The following NFIA variants were observed in gnomAD, a reference collection of about 807,000 sequenced individuals.
NFIA encodes the protein nuclear factor 1 A-type.
In NFIA, 8 loss-of-function variants were observed where a neutral mutation model predicts 62.8. The ratio of observed to expected loss-of-function variants is 0.13; its 90% CI spans 0.07 to 0.23. The LOEUF (loss-of-function observed/expected upper bound fraction) is 0.23, where lower values mean the gene tolerates loss of function less well. Among genes scored for constraint, NFIA ranks in the 10% least tolerant of loss-of-function variants. NFIA has a pLI of 1.00. For synonymous variants in NFIA, 235 were observed against 238.1 expected (o/e 0.99, Z 0.12); for missense variants, 410 against 642.1 (o/e 0.64, Z 3.91).
intron 3 of NFIA, among the ~76,000 whole-genome samples, chr1:61,294,745 A>C (rs1659095179): frequency 6.6e-6 from 1 of 152,182 alleles, no homozygotes. Flanking sequence ...TGCAGAACTA[A>C]ATGCATTTCT....
chr1:61,343,803 AT>A (rs1662060119), intron 4 of NFIA, among the ~76,000 whole-genome samples: 1 of 152,172 alleles, frequency 6.6e-6, no homozygotes. Context: ...TTTATGATTG[AT>A]TTCCATTCAA....
chr1:61,441,073 A>G (rs1020130525), intron 10 of NFIA, among the ~76,000 whole-genome samples: 1 of 152,126 alleles, frequency 6.6e-6, no homozygotes, highest in African/African-American at 2.4e-5. Context: ...TCAGAGACAG[A>G]GCAGGACTGA....
At chr1:61,334,915 G>A (rs911865838) in intron 4 of NFIA, among the ~76,000 whole-genome samples, 1 of 151,980 alleles carries the variant, frequency 6.6e-6, no homozygotes, top group Non-Finnish European at 1.5e-5. Context: ...AAGCTTATCA[G>A]TTCCAAGTTT....
intron 2 of NFIA, among the ~76,000 whole-genome samples, chr1:61,173,759 G>A (rs970623857): frequency 5.9e-5 from 9 of 152,098 alleles, no homozygotes; most frequent in Non-Finnish European, 1.0e-4. Flanking sequence ...GAGAATGAGG[G>A]TACATGCCAC....
chr1:61,233,670 A>T (rs1654812040), intron 2 of NFIA, among the ~76,000 whole-genome samples: 1 of 152,306 alleles, frequency 6.6e-6, no homozygotes, highest in African/African-American at 2.4e-5. Flanking sequence ...GAGTTCCTTT[A>T]TCTGTAAAAT....
chr1:61,451,953 G>A (rs901612546), intron 10 of NFIA, among the ~76,000 whole-genome samples: 4 of 152,122 alleles, frequency 2.6e-5, no homozygotes, highest in Non-Finnish European at 5.9e-5. Context: ...CAACCCCAAC[G>A]ATCGAATAAG....
At chr1:61,278,353 A>G (rs1484179185) in intron 3 of NFIA, among the ~76,000 whole-genome samples, 1 of 152,230 alleles carries the variant, frequency 6.6e-6, no homozygotes, top group Non-Finnish European at 1.5e-5. Flanking sequence ...TGCCTATCAT[A>G]TAACAAACAT....
intron 10 of NFIA, among the ~76,000 whole-genome samples, chr1:61,427,890 C>A (rs780305411): frequency 6.6e-6 from 1 of 152,214 alleles, no homozygotes; most frequent in East Asian, 1.9e-4. Context: ...TTCTCCCATA[C>A]CTTCAAATAT....
At chr1:61,179,858 C>T (rs1650633548) in intron 2 of NFIA, among the ~76,000 whole-genome samples, 1 of 152,108 alleles carries the variant, frequency 6.6e-6, no homozygotes, top group African/African-American at 2.4e-5. Flanking sequence ...ATTTACAACC[C>T]CATATATCAA....
rs1668334942 is a variant in NFIA at position 61,456,910 on chromosome 1, A to T, written c.*1590A>T. ...ACAGCGAAGCACCCCTTTGCTTCCC[A>T]TGCGACTTCAAGAAGGTTTCCTATA... On this transcript the variant is annotated 3_prime_UTR_variant, in exon 11 of 11. Coordinates refer to ENST00000403491, the MANE Select transcript of NFIA (RefSeq NM_001134673.4). 6.6e-6 allele frequency: 1 copy of T among 152,002 alleles called. No homozygotes were observed. Among genetic ancestry groups the T allele is most frequent in the African/African-American group, 2.4e-5 (1 of 41,440 alleles). 9.4% of individuals were successfully genotyped at this position (152,002 alleles called of 1,614,324 possible).
intron 2 of NFIA, among the ~76,000 whole-genome samples, chr1:61,218,944 C>T (rs963488532): frequency 6.6e-6 from 1 of 152,128 alleles, no homozygotes; most frequent in Non-Finnish European, 1.5e-5. Flanking sequence ...AGAAATTGAT[C>T]AACTCAGCCA....
At chr1:61,108,781 T>A (rs1037233407) in intron 2 of NFIA, among the ~76,000 whole-genome samples, 2 of 151,820 alleles carry the variant, frequency 1.3e-5, no homozygotes, top group Non-Finnish European at 3.0e-5. Flanking sequence ...ATTTTCCTCT[T>A]ATTTTTAAAA....
rs563253853 is a variant in NFIA at position 61,372,142 on chromosome 1, G to A, written c.947-11095G>A. 3.3e-5 allele frequency among the ~76,000 whole-genome samples: 5 copies of A among 152,058 alleles called. No individual in the cohort carries two copies. The East Asian group carries it at 5.8e-4, about 18-fold the overall frequency. The stretch of plus-strand genomic sequence containing the variant: ...AGTGAAAACCAAACTTTAGGATTTG[G>A]ACAAATAAGATGAGGAGAAAAAAGG... On this transcript the variant is annotated intron_variant, in intron 6 of 10. Coordinates refer to ENST00000403491, the MANE Select transcript of NFIA (RefSeq NM_001134673.4).
intron 3 of NFIA, among the ~76,000 whole-genome samples, chr1:61,285,972 G>T (rs1015484852): frequency 6.6e-6 from 1 of 152,160 alleles, no homozygotes; most frequent in South Asian, 2.1e-4. Flanking sequence ...AGATGAACAA[G>T]AAGAAGCCAA....
At chr1:61,261,332 G>A (rs1031707120) in intron 2 of NFIA, among the ~76,000 whole-genome samples, 11 of 152,088 alleles carry the variant, frequency 7.2e-5, no homozygotes, top group African/African-American at 2.7e-4. Flanking sequence ...CATAAAAATG[G>A]GACTTTGATT....
At chr1:61,113,449 C>G (rs750639883) in intron 2 of NFIA, among the ~76,000 whole-genome samples, 11 of 151,782 alleles carry the variant, frequency 7.2e-5, no homozygotes, top group Non-Finnish European at 1.2e-4. Flanking sequence ...AAAAAAATTA[C>G]TAGGCATGGT....
intron 6 of NFIA, among the ~76,000 whole-genome samples, chr1:61,368,694 G>A (rs550076189): frequency 8.1e-4 from 123 of 152,234 alleles, no homozygotes; most frequent in African/African-American, 2.9e-3. Context: ...TTTAATATAC[G>A]CAAAGTATAT....
At chr1:61,235,190 C>G (rs931182112) in intron 2 of NFIA, among the ~76,000 whole-genome samples, 1 of 152,130 alleles carries the variant, frequency 6.6e-6, no homozygotes, top group African/African-American at 2.4e-5. Flanking sequence ...GGGCTGGGCG[C>G]GGTGGCTCAT....
intron 2 of NFIA, among the ~76,000 whole-genome samples, chr1:61,118,582 A>T (rs1646832284): frequency 6.6e-6 from 1 of 152,040 alleles, no homozygotes; most frequent in Admixed American, 6.6e-5. Context: ...TTAGATGGGA[A>T]TGTGAAGGAT....
Sources: allele counts gnomAD v4.1 joint callset (sites outside exome capture counted in the v4.1 genomes callset), GRCh38; gene constraint gnomAD v4.1.1; transcripts MANE v1.5; gene names NCBI Gene and HGNC (gene_info 2026-07-23, HGNC 2026-07-21).